Variants in METTL9 observed in about 807,000 individuals in gnomAD.
The protein encoded by METTL9 is methyltransferase 9, His-X-His N1(pi)-histidine, also known as protein-L-histidine N-pros-methyltransferase.
A neutral mutation model predicts 36.0 loss-of-function variants in METTL9; 10 were observed. The observed-to-expected ratio is 0.28, with a 90% CI of 0.17 to 0.47. The LOEUF (loss-of-function observed/expected upper bound fraction) is 0.47. METTL9 is among the 20% of genes least tolerant of loss of function. The probability of loss-of-function intolerance (pLI) is 0.99; values close to 1 mark genes in which losing one functional copy is unlikely to be tolerated. For missense variants in METTL9, 246 were observed against 383.5 expected (o/e 0.64, Z 3.00); for synonymous variants, 175 against 149.7 (o/e 1.17, Z -1.23).
chr16:21,611,214 A>G (rs938780983), intron 1 of METTL9, among the ~76,000 whole-genome samples: 70 of 152,222 alleles, frequency 4.6e-4, no homozygotes, highest in African/African-American at 1.7e-3. Flanking sequence ...TACCCAGTTT[A>G]GGGAACAGAG....
rs912336081 is a variant in METTL9, at chr16:21,599,813, C to G, written c.80C>G (p.Pro27Arg). The change falls in exon 1 of 5, where the codon CCG becomes CGG. Residue 27 changes from proline to arginine, a missense_variant. Coordinates refer to ENST00000358154, the MANE Select transcript of METTL9 (RefSeq NM_016025.5). The surrounding 1 kb of genome is among the most constrained non-coding windows in gnomAD (Gnocchi z 4.4). ...LARRMWTLRS[P>R]LTRSLYVNMT... ...CGGAGGATGTGGACGCTGCGGAGCC[C>G]GCTCACCCGCTCCCTGTACGTGAAC... 7 of 1,546,006 alleles carry G rather than the reference C, an allele frequency of 4.5e-6. No individual in the cohort carries two copies. Among genetic ancestry groups the G allele is most frequent in the Non-Finnish European group, 6.1e-6 (7 of 1,153,084 alleles).
At chr16:21,635,763 C>CA (rs1388611003) in intron 4 of METTL9, among the ~76,000 whole-genome samples, 1 of 152,092 alleles carries the variant, frequency 6.6e-6, no homozygotes, top group Admixed American at 6.5e-5. Context: ...ATCTGAAAGA[C>CA]AAAACCGCCT....
At chr16:21,629,272 C>T (rs1567336152) in intron 4 of METTL9, among the ~76,000 whole-genome samples, 1 of 152,130 alleles carries the variant, frequency 6.6e-6, no homozygotes, top group Non-Finnish European at 1.5e-5. Flanking sequence ...AGGAAGGGGT[C>T]TTTAGGAGGT....
intron 4 of METTL9, among the ~76,000 whole-genome samples, chr16:21,630,502 C>G (rs1045683073): frequency 6.6e-6 from 1 of 152,218 alleles, no homozygotes; most frequent in African/African-American, 2.4e-5. Context: ...ACGTTGTCAC[C>G]TCTCAATCCC....
chr16:21,640,272 G>A (rs778857819), intron 4 of METTL9: 14 of 152,000 alleles, frequency 9.2e-5, no homozygotes, highest in African/African-American at 1.7e-4. Flanking sequence ...AACATAGTAG[G>A]TTGTAAGGTT....
chr16:21,624,361 T>C (rs181847954), intron 3 of METTL9, among the ~76,000 whole-genome samples: 1 of 152,228 alleles, frequency 6.6e-6, no homozygotes, highest in Admixed American at 6.5e-5. Context: ...TTCATACTTA[T>C]TAAACATGAT....
chr16:21,637,716 C>T (rs778556852), intron 4 of METTL9, among the ~76,000 whole-genome samples: 10 of 152,238 alleles, frequency 6.6e-5, no homozygotes, highest in African/African-American at 1.4e-4. Context: ...GTGCGCTGCG[C>T]GCAGCCCGGC....
chr16:21,627,316 A>C (rs971906801), intron 4 of METTL9: 3 of 985,168 alleles, frequency 3.0e-6, no homozygotes, highest in Non-Finnish European at 2.4e-6. Flanking sequence ...AACTAAAAGT[A>C]GTTGTAGGTG....
chr16:21,607,477 T>C (rs1055213603), intron 1 of METTL9, among the ~76,000 whole-genome samples: 2 of 152,240 alleles, frequency 1.3e-5, no homozygotes, highest in African/African-American at 4.8e-5. Context: ...TTTGGCTGTT[T>C]ACTGCCTGGC....
At chr16:21,647,377 C>T in intron 4 of METTL9, 2 of 1,614,134 alleles carry the variant, frequency 1.2e-6, no homozygotes, top group Middle Eastern at 1.6e-4. Flanking sequence ...ATGTTGGTTG[C>T]TCAGAAGGGC....
In METTL9 at chr16:21,642,944, A is replaced by G. The variant is rs148043355; in HGVS notation, c.752-12283A>G. The G allele has an allele frequency of 3.3e-4, 196 of 592,474 alleles. 1 individual carries two copies. The East Asian group carries it at 5.2e-3, about 16-fold the overall frequency. 36.7% of individuals were successfully genotyped at this position (592,474 alleles called of 1,614,324 possible). Reference sequence around the variant, plus strand: ...TAAAACAGGTTCTATATAAAAATACATTCTTGTGAAAGTTCTCTTTCAGAC... The same window carrying G: ...TAAAACAGGTTCTATATAAAAATACGTTCTTGTGAAAGTTCTCTTTCAGAC... On this transcript the variant is annotated intron_variant, in intron 4 of 4. Coordinates refer to ENST00000358154, the MANE Select transcript of METTL9 (RefSeq NM_016025.5).
At chr16:21,621,402 T>G (rs1352160492) in intron 3 of METTL9, among the ~76,000 whole-genome samples, 1 of 152,158 alleles carries the variant, frequency 6.6e-6, no homozygotes, top group African/African-American at 2.4e-5. Context: ...CTCAGCTCAC[T>G]GCAACCTCTA....
chr16:21,597,395 G>C (rs950678587), upstream of METTL9: 13 of 770,794 alleles, frequency 1.7e-5, no homozygotes, highest in South Asian at 4.3e-5. Context: ...TAAATAGCAT[G>C]GGTTTGAGTG....
chr16:21,647,422 G>A (rs1229965396), intron 4 of METTL9: 26 of 1,613,872 alleles, frequency 1.6e-5, no homozygotes, highest in Non-Finnish European at 2.1e-5. Flanking sequence ...TTATGGTGAC[G>A]GCCTCATGAG....
chr16:21,626,988 A>T (rs921251830), intron 4 of METTL9: 2 of 985,464 alleles, frequency 2.0e-6, no homozygotes, highest in Non-Finnish European at 2.4e-6. Flanking sequence ...TGAAGTGTGG[A>T]AAACAAGCTC....
chr16:21,613,122 A>C (rs180699803), intron 2 of METTL9, among the ~76,000 whole-genome samples: 16 of 144,750 alleles, frequency 1.1e-4, no homozygotes, highest in South Asian at 2.2e-4. Flanking sequence ...TCTTGTTAAA[A>C]TGCAGATTAT....
intron 4 of METTL9, chr16:21,627,100 T>C: frequency 1.3e-5 from 13 of 985,412 alleles, no homozygotes; most frequent in Non-Finnish European, 1.4e-5. Flanking sequence ...GGGTGACTTT[T>C]AGTGACCTAT....
chr16:21,615,384 C>T (rs1305902690), intron 2 of METTL9, among the ~76,000 whole-genome samples: 4 of 152,064 alleles, frequency 2.6e-5, no homozygotes, highest in South Asian at 2.1e-4. Context: ...CTCATGCCAC[C>T]GTGCCTGGCT....
chr16:21,627,336 C>T (rs1965838724), intron 4 of METTL9: 2 of 984,770 alleles, frequency 2.0e-6, no homozygotes, highest in Admixed American at 1.2e-4. Context: ...GAAATGATTA[C>T]TTAGGTAATT....
Sources: allele counts gnomAD v4.1 joint callset (sites outside exome capture counted in the v4.1 genomes callset), GRCh38; gene constraint gnomAD v4.1.1; non-coding constraint Gnocchi (gnomAD v3.1); transcripts MANE v1.5; gene names NCBI Gene and HGNC (gene_info 2026-07-23, HGNC 2026-07-21).